The following CFAP61 variants were observed in gnomAD, a reference collection of about 807,000 sequenced individuals.
CFAP61 encodes the protein cilia- and flagella-associated protein 61.
CFAP61 carries 107 observed loss-of-function variants against 135.6 expected under a neutral mutation model. That is an observed-to-expected ratio of 0.79 (90% CI 0.67 to 0.93). CFAP61 has a LOEUF of 0.93. Ranked by LOEUF, CFAP61 falls within the 40% of genes least tolerant of loss-of-function variation. The pLI, the probability that CFAP61 is intolerant of heterozygous loss-of-function variation, is 0.00. For synonymous variants in CFAP61, 575 were observed against 578.5 expected (o/e 0.99, Z 0.09); for missense variants, 1,507 against 1,556.2 (o/e 0.97, Z 0.53).
At chr20:20,191,207 C>A in intron 14 of CFAP61, 135 bp from the exon 15 acceptor site, 1 of 552,734 alleles carries the variant, frequency 1.8e-6, no homozygotes, top group Non-Finnish European at 3.2e-6. Context: ...TAACTTACTA[C>A]CTGGCCAAAA....
At chr20:20,118,253 G>GTTTGTTTGTTTGTTTGTTTCTTTCTTTC (rs1555872842) in intron 8 of CFAP61, among the ~76,000 whole-genome samples, 5 of 138,532 alleles carry the variant, frequency 3.6e-5, no homozygotes, top group African/African-American at 1.1e-4. Flanking sequence ...TTTGAGGTAT[G>GTTTGTTTGTTTGTTTGTTTCTTTCTTTC]TTTCTTTCTT....
At chr20:20,289,812 G>GAC (rs930361272) in intron 23 of CFAP61, among the ~76,000 whole-genome samples, 1 of 152,252 alleles carries the variant, frequency 6.6e-6, no homozygotes, top group African/African-American at 2.4e-5. Flanking sequence ...CACAGGCCCA[G>GAC]ACCTCAGGAA....
chr20:20,164,260 GT>G, intron 11 of CFAP61, 32 bp downstream of exon 11: 1 of 1,573,090 alleles, frequency 6.4e-7, no homozygotes, highest in Non-Finnish European at 8.7e-7. Flanking sequence ...GGCTGTCACA[GT>G]GAGAATCTTT....
chr20:20,057,524 C>T (rs2044458100), intron 2 of CFAP61, among the ~76,000 whole-genome samples: 1 of 152,182 alleles, frequency 6.6e-6, no homozygotes, highest in Admixed American at 6.5e-5. Flanking sequence ...GAATGGGAGG[C>T]TGGCGCAGGG....
chr20:20,178,800 C>T (rs531150747), intron 13 of CFAP61, among the ~76,000 whole-genome samples: 2 of 152,176 alleles, frequency 1.3e-5, no homozygotes, highest in Admixed American at 6.5e-5. Flanking sequence ...GTCCTTGGCC[C>T]CTTCTGCTTT....
chr20:20,084,103 T>G (rs141126206), intron 6 of CFAP61, among the ~76,000 whole-genome samples: 5 of 152,172 alleles, frequency 3.3e-5, no homozygotes, highest in African/African-American at 1.2e-4. Flanking sequence ...TCCTACCCCA[T>G]GTTGAGATGG....
At chr20:20,163,248 C>T (rs1199959549) in intron 10 of CFAP61, among the ~76,000 whole-genome samples, 2 of 152,196 alleles carry the variant, frequency 1.3e-5, no homozygotes, top group East Asian at 1.9e-4. Flanking sequence ...GAATCATCTT[C>T]TGAGTTATGA....
intron 25 of CFAP61, among the ~76,000 whole-genome samples, chr20:20,314,606 T>C (rs1275119188): frequency 6.8e-6 from 1 of 147,774 alleles, no homozygotes; most frequent in Non-Finnish European, 1.5e-5. Flanking sequence ...TACATATGTA[T>C]ACATGTGCCA....
intron 17 of CFAP61, among the ~76,000 whole-genome samples, chr20:20,207,032 C>T (rs1413285790): frequency 6.6e-6 from 1 of 152,240 alleles, no homozygotes; most frequent in South Asian, 2.1e-4. Flanking sequence ...GAGCTTCATA[C>T]ACACATTTGA....
At chr20:20,283,332 T>C (rs1328343936) in intron 22 of CFAP61, among the ~76,000 whole-genome samples, 8 of 152,216 alleles carry the variant, frequency 5.3e-5, no homozygotes, top group African/African-American at 1.9e-4. Context: ...ATATCCCTTA[T>C]CTTAAGGTCC....
At chr20:20,182,567 C>T (rs1369171461) in intron 13 of CFAP61, among the ~76,000 whole-genome samples, 1 of 152,182 alleles carries the variant, frequency 6.6e-6, no homozygotes, top group Admixed American at 6.5e-5. Context: ...AAAACACGGG[C>T]ACACAGCAGA....
At chr20:20,085,474 A>T in intron 6 of CFAP61, 2 of 1,366,538 alleles carry the variant, frequency 1.5e-6, no homozygotes, top group Non-Finnish European at 2.0e-6. Flanking sequence ...CTTAAGAGAG[A>T]GCCTCTTCAG....
At chr20:20,185,208 A>G (rs2055411062) in intron 13 of CFAP61, among the ~76,000 whole-genome samples, 1 of 152,246 alleles carries the variant, frequency 6.6e-6, no homozygotes, top group African/African-American at 2.4e-5. Context: ...GAGAGGGGCC[A>G]TACACATAAA....
intron 25 of CFAP61, among the ~76,000 whole-genome samples, chr20:20,304,358 T>C (rs931196883): frequency 5.9e-5 from 9 of 151,426 alleles, no homozygotes; most frequent in Non-Finnish European, 1.3e-4. Flanking sequence ...TTTACTACTT[T>C]GGAAAAAGAA....
At chr20:20,079,630 C>T (rs909029506) in intron 6 of CFAP61, among the ~76,000 whole-genome samples, 4 of 152,092 alleles carry the variant, frequency 2.6e-5, no homozygotes, top group Admixed American at 6.5e-5. Context: ...TGTCTCTTAA[C>T]GAAGTTCACC....
intron 22 of CFAP61, among the ~76,000 whole-genome samples, chr20:20,287,621 T>C (rs989938674): frequency 3.3e-5 from 5 of 152,156 alleles, no homozygotes; most frequent in African/African-American, 1.2e-4. Context: ...CTGATGTCTA[T>C]ACAGAATGAA....
intron 26 of CFAP61, among the ~76,000 whole-genome samples, chr20:20,350,200 A>G (rs771619577): frequency 1.3e-5 from 2 of 152,230 alleles, no homozygotes; most frequent in Non-Finnish European, 2.9e-5. Context: ...TAGTGAAGAT[A>G]TGGGGAAAAT....
intron 11 of CFAP61, among the ~76,000 whole-genome samples, chr20:20,165,727 C>T (rs552966263): frequency 2.9e-4 from 44 of 152,136 alleles, no homozygotes; most frequent in Non-Finnish European, 4.6e-4. Flanking sequence ...TGGACAGTTC[C>T]TCTTCAGAGG....
chr20:20,125,959 A>G (rs896069148), intron 8 of CFAP61, among the ~76,000 whole-genome samples: 2 of 151,820 alleles, frequency 1.3e-5, no homozygotes, highest in African/African-American at 4.9e-5. Flanking sequence ...TTTTACCATT[A>G]TATAATGTCC....
Sources: allele counts gnomAD v4.1 joint callset (sites outside exome capture counted in the v4.1 genomes callset), GRCh38; gene constraint gnomAD v4.1.1; transcripts MANE v1.5; gene names NCBI Gene and HGNC (gene_info 2026-07-23, HGNC 2026-07-21).